LIPC: variants seen among roughly 807,000 people sequenced by gnomAD.
The protein encoded by LIPC is hepatic triacylglycerol lipase.
LIPC carries 44 observed loss-of-function variants against 50.7 expected under a neutral mutation model. That is an observed-to-expected ratio of 0.87 (90% CI 0.68 to 1.11). The LOEUF is 1.11. Among genes scored for constraint, LIPC ranks in the 50% most tolerant of loss-of-function variants. LIPC has a pLI of 0.00. For synonymous variants in LIPC, 271 were observed against 256.4 expected (o/e 1.06, Z -0.54); for missense variants, 697 against 648.2 (o/e 1.08, Z -0.82).
At chr15:58,475,626 T>C (rs1352195807) in intron 1 of LIPC, among the ~76,000 whole-genome samples, 2 of 152,196 alleles carry the variant, frequency 1.3e-5, no homozygotes, top group Admixed American at 1.3e-4. Context: ...AGCACTGCAT[T>C]GCAACCATTG....
chr15:58,508,903 A>G (rs1892247974), intron 1 of LIPC, among the ~76,000 whole-genome samples: 1 of 151,290 alleles, frequency 6.6e-6, no homozygotes, highest in South Asian at 2.1e-4. Flanking sequence ...CTTCTCTCCT[A>G]GGCTTCTCAC....
At chr15:58,455,872 C>G (rs527913393) in intron 1 of LIPC, among the ~76,000 whole-genome samples, 1 of 152,108 alleles carries the variant, frequency 6.6e-6, no homozygotes, top group South Asian at 2.1e-4. Context: ...GAGCCAGTTG[C>G]TGAGTATCCA....
At chr15:58,542,676 A>C in intron 4 of LIPC, 25 bp downstream of exon 4, 1 of 1,442,864 alleles carries the variant, frequency 6.9e-7, no homozygotes, top group South Asian at 1.1e-5. Context: ...TAACTCACAC[A>C]CTGATCTCCA....
At chr15:58,451,794 C>T (rs1247040884) in intron 1 of LIPC, among the ~76,000 whole-genome samples, 5 of 152,274 alleles carry the variant, frequency 3.3e-5, no homozygotes, top group South Asian at 4.1e-4. Context: ...TCCACAGAGG[C>T]GAGCAGGAGG....
chr15:58,489,869 A>C (rs190872560), intron 1 of LIPC, among the ~76,000 whole-genome samples: 56 of 152,244 alleles, frequency 3.7e-4, no homozygotes, highest in Admixed American at 3.2e-3. Flanking sequence ...TTCCTCCCAA[A>C]GTTAGCTTGG....
chr15:58,483,039 AGAGT>A (rs1296928500), intron 1 of LIPC, among the ~76,000 whole-genome samples: 1 of 152,182 alleles, frequency 6.6e-6, no homozygotes, highest in African/African-American at 2.4e-5. Flanking sequence ...CTCTAGACAG[AGAGT>A]GTGTTGTTCA....
chr15:58,436,459 A>G, intron 1 of LIPC: 2 of 257,146 alleles, frequency 7.8e-6, no homozygotes, highest in South Asian at 4.1e-5. Context: ...TTTTTACTGC[A>G]TTTGAATATC....
intron 1 of LIPC, among the ~76,000 whole-genome samples, chr15:58,535,390 G>C (rs533410943): frequency 3.3e-5 from 5 of 152,258 alleles, no homozygotes; most frequent in South Asian, 4.2e-4. Flanking sequence ...CAGCTTCCTC[G>C]CTCATACACA....
rs544486169 is a variant in LIPC at position 58,448,589 on chromosome 15, C to T, written c.88+16469C>T. On this transcript the variant is annotated intron_variant, in intron 1 of 8. Coordinates refer to ENST00000299022, the MANE Select transcript of LIPC (RefSeq NM_000236.3). ...TCAGAGTGTGAAGGAGAGCACCTCACTCAGCACTGGCAGAGGCCGGCAGGC... is the reference window on the plus strand; with the variant it reads ...TCAGAGTGTGAAGGAGAGCACCTCATTCAGCACTGGCAGAGGCCGGCAGGC... 3.9e-5 allele frequency among the ~76,000 whole-genome samples: 6 copies of T among 152,368 alleles called. 1 individual carries two copies. The highest frequency in any genetic ancestry group is 1.3e-4 in the Admixed American group (2 of 15,312).
At chr15:58,543,980 TC>T (rs1893430264) in intron 4 of LIPC, among the ~76,000 whole-genome samples, 1 of 152,208 alleles carries the variant, frequency 6.6e-6, no homozygotes, top group African/African-American at 2.4e-5. Flanking sequence ...TAAAAGAATT[TC>T]TTTTAACTTG....
At chr15:58,554,238 T>C (rs1893858683) in intron 6 of LIPC, among the ~76,000 whole-genome samples, 1 of 152,196 alleles carries the variant, frequency 6.6e-6, no homozygotes, top group Non-Finnish European at 1.5e-5. Context: ...GAGGAGACTC[T>C]CCGGAGGCCT....
chr15:58,548,441 G>A lies in LIPC; in HGVS notation c.920G>A (p.Ser307Asn). ...GCCTACCCGTGTGGTGACATGAACAGCTTCAGCCAGGGCCTGTGCCTGAGC... is the reference window on the plus strand; with the variant it reads ...GCCTACCCGTGTGGTGACATGAACAACTTCAGCCAGGGCCTGTGCCTGAGC... ...SMAYPCGDMNSFSQGLCLSCK... is the reference protein window; with the variant it reads ...SMAYPCGDMNNFSQGLCLSCK... Residue 307 changes from serine (S) to asparagine (N), a missense_variant, in exon 6 of 9, where the codon AGC becomes AAC. Transcript: ENST00000299022. The A allele has an allele frequency of 6.2e-7, 1 of 1,613,920 alleles. No individual in the cohort carries two copies. Among genetic ancestry groups the A allele is most frequent in the Non-Finnish European group, 8.5e-7 (1 of 1,179,934 alleles).
chr15:58,455,394 G>C (rs1894073369), intron 1 of LIPC, among the ~76,000 whole-genome samples: 1 of 152,042 alleles, frequency 6.6e-6, no homozygotes, highest in Admixed American at 6.5e-5. Context: ...GATTTGTCAG[G>C]CCATGGATTG....
At chr15:58,438,780 T>C (rs1381367396) in intron 1 of LIPC, among the ~76,000 whole-genome samples, 2 of 151,982 alleles carry the variant, frequency 1.3e-5, no homozygotes, top group Non-Finnish European at 2.9e-5. Context: ...CAGGAGAGGG[T>C]TTCTGGCTCA....
intron 1 of LIPC, among the ~76,000 whole-genome samples, chr15:58,513,837 C>A (rs1260474669): frequency 6.6e-6 from 1 of 152,200 alleles, no homozygotes; most frequent in African/African-American, 2.4e-5. Flanking sequence ...TCACCATGCA[C>A]ATTTCTCTTG....
At chr15:58,466,813 G>A (rs1489782107) in intron 1 of LIPC, among the ~76,000 whole-genome samples, 2 of 152,116 alleles carry the variant, frequency 1.3e-5, no homozygotes, top group African/African-American at 4.8e-5. Flanking sequence ...TCTTCTCTTT[G>A]CAGGTCATAT....
At position 58,528,934 on chromosome 15, in the gene LIPC, C is replaced by T. The variant is rs531222449; in HGVS notation, c.89-9399C>T. On this transcript the variant is annotated intron_variant, in intron 1 of 8. Coordinates refer to ENST00000299022, the MANE Select transcript of LIPC (RefSeq NM_000236.3). The stretch of plus-strand genomic sequence containing the variant: ...CCTACCTGCCAGGGCACCCAGGATC[C>T]TTGTCTCCAGCAGTAACTTCATGAG... Among the ~76,000 whole-genome samples the T allele has an allele frequency of 2.0e-5, 3 of 152,322 alleles. No individual in the cohort carries two copies. The East Asian group carries it at 5.8e-4, about 29-fold the overall frequency.
intron 1 of LIPC, among the ~76,000 whole-genome samples, chr15:58,532,502 G>A (rs375231290): frequency 1.3e-5 from 2 of 152,172 alleles, no homozygotes; most frequent in Non-Finnish European, 2.9e-5. Flanking sequence ...AGCAGTGGAT[G>A]TTTACAAAGC....
intron 1 of LIPC, among the ~76,000 whole-genome samples, chr15:58,513,880 C>T (rs1365449614): frequency 3.9e-5 from 6 of 152,194 alleles, no homozygotes; most frequent in African/African-American, 1.2e-4. Flanking sequence ...CGTTTCCAAA[C>T]CTCGGGGCCA....
Sources: allele counts gnomAD v4.1 joint callset (sites outside exome capture counted in the v4.1 genomes callset), GRCh38; gene constraint gnomAD v4.1.1; transcripts MANE v1.5; gene names NCBI Gene and HGNC (gene_info 2026-07-23, HGNC 2026-07-21).